ARMC9: variants seen among roughly 807,000 people sequenced by gnomAD.
The protein encoded by ARMC9 is lisH domain-containing protein ARMC9.
A neutral mutation model predicts 107.0 loss-of-function variants in ARMC9; 94 were observed. The observed-to-expected ratio is 0.88, with a 90% confidence interval of 0.74 to 1.04. The LOEUF (loss-of-function observed/expected upper bound fraction) is 1.04. Ranked by LOEUF, ARMC9 falls within the 50% of genes least tolerant of loss-of-function variation. ARMC9 has a pLI of 0.00. For synonymous variants in ARMC9, 380 were observed against 396.9 expected (o/e 0.96, Z 0.51); for missense variants, 942 against 1,030.1 (o/e 0.91, Z 1.17).
At chr2:231,301,871 C>T (rs2041749834) in intron 19 of ARMC9, among the ~76,000 whole-genome samples, 2 of 151,866 alleles carry the variant, frequency 1.3e-5, no homozygotes, top group Admixed American at 6.6e-5. Flanking sequence ...CCAAGCTACT[C>T]GGTAGTCTGA....
At chr2:231,243,564 G>A (rs190612268) in intron 9 of ARMC9, among the ~76,000 whole-genome samples, 40 of 152,264 alleles carry the variant, frequency 2.6e-4, no homozygotes, top group Non-Finnish European at 5.4e-4. Context: ...GCAAAATACA[G>A]ACTTTGTCTA....
rs1161380624 is a variant in ARMC9 at position 231,285,023 on chromosome 2, C to A, written c.1626+2890C>A. 2.0e-5 allele frequency among the ~76,000 whole-genome samples: 3 copies of A among 152,030 alleles called. No homozygotes were observed. The East Asian group carries it at 5.8e-4, about 29-fold the overall frequency. On this transcript the variant is annotated intron_variant, in intron 17 of 24. Coordinates refer to ENST00000611582, the MANE Select transcript of ARMC9 (RefSeq NM_001352754.2). ...GACCAGCCTGGCCAACTTGGTGAAA[C>A]CCCGTCTCTACTAAAAATACAAAAA...
At chr2:231,262,928 C>T (rs2038510695) in intron 12 of ARMC9, among the ~76,000 whole-genome samples, 1 of 152,188 alleles carries the variant, frequency 6.6e-6, no homozygotes, top group Non-Finnish European at 1.5e-5. Flanking sequence ...ACCTCCTCAT[C>T]TGGGCAAGGA....
intron 19 of ARMC9, among the ~76,000 whole-genome samples, chr2:231,299,183 A>T (rs914536500): frequency 3.1e-4 from 47 of 152,102 alleles, no homozygotes; most frequent in African/African-American, 5.3e-4. Flanking sequence ...CTAAAATTTT[A>T]AAAAAAATAA....
chr2:231,206,155 G>A lies in ARMC9; in HGVS notation c.-41-43G>A, dbSNP rs1005162088. On this transcript the variant is annotated intron_variant, in intron 1 of 24. Transcript: ENST00000611582. ...CAACCACCTTTTTGTAGTTTCATAG[G>A]TGGTTGAAATGAAAGCTGTTGTCTT... The A allele has an allele frequency of 1.5e-5, 18 of 1,207,852 alleles. No individual in the cohort carries two copies. The African/African-American group carries it at 2.5e-4, about 17-fold the overall frequency. The allele number at this position is 1,207,852 out of a possible 1,614,324, so 74.8% of individuals were successfully genotyped here. A position where few individuals can be genotyped will look rare whatever the true frequency, so the allele number is the denominator to read the frequency against.
intron 2 of ARMC9, among the ~76,000 whole-genome samples, chr2:231,206,819 G>T (rs1235848170): frequency 6.6e-6 from 1 of 152,096 alleles, no homozygotes; most frequent in African/African-American, 2.4e-5. Context: ...TGACAAGTAG[G>T]GCCCAGGCCT....
intron 14 of ARMC9, among the ~76,000 whole-genome samples, chr2:231,273,384 C>A (rs1288654368): frequency 6.6e-6 from 1 of 152,140 alleles, no homozygotes; most frequent in Non-Finnish European, 1.5e-5. Flanking sequence ...TGAATCAGAC[C>A]TGATAGAGCC....
chr2:231,332,141 G>C (rs1053467011), intron 20 of ARMC9, among the ~76,000 whole-genome samples: 1 of 152,226 alleles, frequency 6.6e-6, no homozygotes, highest in South Asian at 2.1e-4. Context: ...TATGCCAGGG[G>C]CCTTTGGAAC....
Position 231,331,781 on chromosome 2 carries a change from C to G in ARMC9, c.1774-12C>G. 1 of 1,612,326 alleles carries G rather than the reference C, an allele frequency of 6.2e-7. No individual in the cohort carries two copies. Among genetic ancestry groups the G allele is most frequent in the Non-Finnish European group, 8.5e-7 (1 of 1,178,564 alleles). On this transcript the variant is annotated splice_polypyrimidine_tract_variant and intron_variant, in intron 19 of 24. Coordinates refer to ENST00000611582, the MANE Select transcript of ARMC9 (RefSeq NM_001352754.2). ...GGTGTCCATGGCATTCACCCCATGT[C>G]TCCTGAAACAGGAGGACCATGACAT...
At chr2:231,323,100 G>C (rs894224707) in intron 19 of ARMC9, among the ~76,000 whole-genome samples, 1 of 152,058 alleles carries the variant, frequency 6.6e-6, no homozygotes, top group Non-Finnish European at 1.5e-5. Flanking sequence ...AAGGTGGGAG[G>C]AATGCTTGAG....
intron 23 of ARMC9, among the ~76,000 whole-genome samples, chr2:231,367,274 G>T (rs1337781997): frequency 1.3e-5 from 2 of 152,096 alleles, no homozygotes. Context: ...GGACGTTACG[G>T]ATTCCTGGGC....
chr2:231,348,454 G>C (rs531688033), intron 21 of ARMC9, among the ~76,000 whole-genome samples: 1 of 152,310 alleles, frequency 6.6e-6, no homozygotes, highest in African/African-American at 2.4e-5. Flanking sequence ...CACTAAGTTT[G>C]TGGTAAGACT....
chr2:231,206,133 C>T (rs2031953891), intron 1 of ARMC9, 65 bp from the exon 2 acceptor site: 3 of 1,004,002 alleles, frequency 3.0e-6, no homozygotes, highest in South Asian at 1.3e-5. Flanking sequence ...CTCACCACAA[C>T]CACCTTTTTG....
chr2:231,339,144 A>G (rs965765325), intron 20 of ARMC9, among the ~76,000 whole-genome samples: 1 of 152,158 alleles, frequency 6.6e-6, no homozygotes, highest in Non-Finnish European at 1.5e-5. Flanking sequence ...CCTGGCCAAC[A>G]TGGTGAAACT....
intron 4 of ARMC9, among the ~76,000 whole-genome samples, 153 bp from the exon 5 acceptor site, chr2:231,216,485 T>C (rs1223015267): frequency 6.6e-6 from 1 of 152,148 alleles, no homozygotes; most frequent in Non-Finnish European, 1.5e-5. Flanking sequence ...TTAGGGTGGA[T>C]GGTAGAATTC....
intron 9 of ARMC9, among the ~76,000 whole-genome samples, chr2:231,241,373 C>A (rs1476852323): frequency 1.3e-5 from 2 of 152,038 alleles, no homozygotes; most frequent in Non-Finnish European, 2.9e-5. Flanking sequence ...CATTCTTAAC[C>A]AGGAGAGACA....
chr2:231,215,047 G>T (rs1448550742), intron 4 of ARMC9, 46 bp downstream of exon 4: 2 of 1,587,836 alleles, frequency 1.3e-6, no homozygotes, highest in South Asian at 1.1e-5. Context: ...GTGTGTTAAG[G>T]AACAGTGTTT....
intron 23 of ARMC9, among the ~76,000 whole-genome samples, chr2:231,367,517 TC>T (rs1313005893): frequency 6.6e-6 from 1 of 152,176 alleles, no homozygotes; most frequent in Non-Finnish European, 1.5e-5. Flanking sequence ...CATGCGATGG[TC>T]CTAGGGCTAA....
intron 15 of ARMC9, 59 bp from the exon 16 acceptor site, chr2:231,278,323 C>T (rs1423932190): frequency 6.4e-7 from 1 of 1,561,060 alleles, no homozygotes; most frequent in Admixed American, 1.7e-5. Flanking sequence ...TCTACCTGAC[C>T]TAAAATTGTG....
Sources: gnomAD v4.1 joint callset for allele counts (sites outside exome capture counted in the v4.1 genomes callset) on GRCh38, gnomAD v4.1.1 for gene constraint, MANE v1.5 for transcripts, NCBI Gene and HGNC (gene_info 2026-07-23, HGNC 2026-07-21) for gene names.